Variants in USP10 observed in about 807,000 individuals in gnomAD.
The protein encoded by USP10 is ubiquitin specific peptidase 10.
USP10 carries 22 observed loss-of-function variants against 84.5 expected under a neutral mutation model. The ratio of observed to expected loss-of-function variants is 0.26; its 90% CI spans 0.19 to 0.37. The LOEUF (loss-of-function observed/expected upper bound fraction) is 0.37. USP10 is among the 10% of genes least tolerant of loss of function. USP10 has a pLI of 1.00. For missense variants in USP10, 1,019 were observed against 998.9 expected (o/e 1.02, Z -0.27); for synonymous variants, 454 against 387.6 (o/e 1.17, Z -2.01).
chr16:84,726,166 C>T (rs1417809370), intron 1 of USP10, among the ~76,000 whole-genome samples: 1 of 152,218 alleles, frequency 6.6e-6, no homozygotes, highest in African/African-American at 2.4e-5. Flanking sequence ...CATATTTATT[C>T]AAATTTCCAG....
At chr16:84,748,071 G>A (rs1022315832) in intron 4 of USP10, among the ~76,000 whole-genome samples, 3 of 142,184 alleles carry the variant, frequency 2.1e-5, no homozygotes, top group South Asian at 2.3e-4. Flanking sequence ...GGAGAATGGC[G>A]TGAACCTGGG....
chr16:84,717,247 C>G (rs1907152710), intron 1 of USP10, among the ~76,000 whole-genome samples: 1 of 151,788 alleles, frequency 6.6e-6, no homozygotes, highest in Admixed American at 6.6e-5. Context: ...TACATGCATT[C>G]TTTAGGGGGT....
At chr16:84,728,821 C>T (rs1406176327) in intron 1 of USP10, among the ~76,000 whole-genome samples, 1 of 151,696 alleles carries the variant, frequency 6.6e-6, no homozygotes, top group African/African-American at 2.4e-5. Flanking sequence ...TTTTTTGAGA[C>T]GGAGTCTTCC....
chr16:84,726,891 G>A (rs1005999365), intron 1 of USP10, among the ~76,000 whole-genome samples: 19 of 152,340 alleles, frequency 1.2e-4, no homozygotes, highest in Middle Eastern at 3.4e-3. Context: ...GGAAAGGAGC[G>A]TTTGTTACTG....
At chr16:84,721,274 G>C (rs944668245) in intron 1 of USP10, among the ~76,000 whole-genome samples, 2 of 152,208 alleles carry the variant, frequency 1.3e-5, no homozygotes, top group South Asian at 2.1e-4. Flanking sequence ...ATCCCAGAGT[G>C]TGGATGCCTA....
intron 2 of USP10, among the ~76,000 whole-genome samples, chr16:84,737,500 T>C (rs183570503): frequency 2.0e-5 from 3 of 152,354 alleles, no homozygotes; most frequent in Admixed American, 2.0e-4. Context: ...AAAGGTGCTG[T>C]GTGCCTGTGG....
At chr16:84,751,298 C>T (rs924290797) in intron 4 of USP10, among the ~76,000 whole-genome samples, 25 of 152,210 alleles carry the variant, frequency 1.6e-4, no homozygotes, top group Admixed American at 6.5e-5. Flanking sequence ...CAGAACATAT[C>T]CCCATCATTA....
intron 1 of USP10, among the ~76,000 whole-genome samples, chr16:84,712,449 C>G (rs1906435260): frequency 1.3e-5 from 2 of 152,208 alleles, no homozygotes; most frequent in East Asian, 3.9e-4. Flanking sequence ...GCACAGTGGG[C>G]ACTCAGGTGT....
rs181509565 is a variant in USP10 at position 84,718,332 on chromosome 16, C to T, written c.22-15103C>T. On this transcript the variant is annotated intron_variant, in intron 1 of 13. Coordinates refer to ENST00000219473, the MANE Select transcript of USP10 (RefSeq NM_005153.3). Reference sequence around the variant, plus strand: ...GCAGTGGTGCAATCATGGCTCACTGCAGCCTCAAAGTTATTGGCTCAAGGG... The same window carrying T: ...GCAGTGGTGCAATCATGGCTCACTGTAGCCTCAAAGTTATTGGCTCAAGGG... Among the ~76,000 whole-genome samples the T allele has an allele frequency of 9.9e-4, 151 of 152,330 alleles. 1 individual carries two copies. Among genetic ancestry groups the T allele is most frequent in the Non-Finnish European group, 1.1e-3 (77 of 68,020 alleles).
At chr16:84,752,690 C>T (rs1037866455) in intron 4 of USP10, among the ~76,000 whole-genome samples, 7 of 152,142 alleles carry the variant, frequency 4.6e-5, no homozygotes, top group African/African-American at 1.4e-4. Context: ...TCGGTCTGGT[C>T]TTAGGAGGAA....
At chr16:84,740,131 C>T (rs1004999887) in intron 2 of USP10, among the ~76,000 whole-genome samples, 178 bp from the exon 3 acceptor site, 2 of 151,844 alleles carry the variant, frequency 1.3e-5, no homozygotes, top group African/African-American at 4.8e-5. Flanking sequence ...GTGTTTTTTT[C>T]GTTAAATGAA....
At chr16:84,703,259 A>G (rs1476443392) in intron 1 of USP10, among the ~76,000 whole-genome samples, 1 of 152,178 alleles carries the variant, frequency 6.6e-6, no homozygotes, top group East Asian at 1.9e-4. Flanking sequence ...ATTTGGGGTA[A>G]TTAATTTGAA....
At chr16:84,728,684 G>A (rs1908830605) in intron 1 of USP10, among the ~76,000 whole-genome samples, 1 of 152,040 alleles carries the variant, frequency 6.6e-6, no homozygotes, top group African/African-American at 2.4e-5. Context: ...ACTGGTATTT[G>A]CTACTGAATA....
Position 84,775,221 on chromosome 16 carries a change from T to C in USP10, c.2205T>C (p.Phe735=), listed in dbSNP as rs530668325. Residue 735 remains phenylalanine (F), a synonymous_variant, in exon 13 of 14, where the codon TTT becomes TTC. Transcript: ENST00000219473. The stretch of plus-strand genomic sequence containing the variant: ...AATGCCACCGAACCTATCGGCTCTT[T>C]GCAGGTGAGTAAATTTGTACGACAT... ...NFKCHRTYRL[F]AVVYHHGNSA... 1.2e-6 allele frequency: 2 copies of C among 1,613,436 alleles called. No individual in the cohort carries two copies. Among genetic ancestry groups the C allele is most frequent in the Non-Finnish European group, 8.5e-7 (1 of 1,179,350 alleles).
chr16:84,777,636 A>G (rs1465642645), intron 13 of USP10, among the ~76,000 whole-genome samples: 1 of 152,144 alleles, frequency 6.6e-6, no homozygotes, highest in Non-Finnish European at 1.5e-5. Flanking sequence ...CTTTGTGCAG[A>G]GCCCAGGAGT....
At chr16:84,756,190 T>C (rs1438679321) in intron 4 of USP10, among the ~76,000 whole-genome samples, 2 of 151,960 alleles carry the variant, frequency 1.3e-5, no homozygotes, top group Non-Finnish European at 2.9e-5. Context: ...TCTGCGAGCT[T>C]GCCTAGGGCA....
intron 4 of USP10, among the ~76,000 whole-genome samples, chr16:84,752,563 G>C (rs1459642230): frequency 6.6e-6 from 1 of 152,202 alleles, no homozygotes; most frequent in Non-Finnish European, 1.5e-5. Context: ...TGTTGAAAGA[G>C]GAATTTAAAT....
chr16:84,702,863 C>T (rs1408397751), intron 1 of USP10, among the ~76,000 whole-genome samples: 2 of 151,856 alleles, frequency 1.3e-5, no homozygotes, highest in African/African-American at 4.8e-5. Flanking sequence ...TGTGGTGAAG[C>T]TCGCCTGTAG....
intron 1 of USP10, among the ~76,000 whole-genome samples, chr16:84,728,971 GT>G (rs749189043): frequency 4.8e-4 from 54 of 113,038 alleles, no homozygotes; most frequent in Non-Finnish European, 1.2e-3. Context: ...GCTAATTTTT[GT>G]ATTTTTAGTG....
Sources: gnomAD v4.1 joint callset for allele counts (sites outside exome capture counted in the v4.1 genomes callset) on GRCh38, gnomAD v4.1.1 for gene constraint, MANE v1.5 for transcripts, NCBI Gene and HGNC (gene_info 2026-07-23, HGNC 2026-07-21) for gene names.